ARMC9: variants seen among roughly 807,000 people sequenced by gnomAD.
The protein encoded by ARMC9 is armadillo repeat containing 9.
A neutral mutation model predicts 107.0 loss-of-function variants in ARMC9; 94 were observed. The observed-to-expected ratio is 0.88, with a 90% confidence interval of 0.74 to 1.04. The LOEUF (loss-of-function observed/expected upper bound fraction) is 1.04, where lower values mean the gene tolerates loss of function less well. Ranked by LOEUF, ARMC9 falls within the 50% of genes least tolerant of loss-of-function variation. The pLI, the probability that ARMC9 is intolerant of heterozygous loss-of-function variation, is 0.00. For missense variants in ARMC9, 942 were observed against 1,030.1 expected (o/e 0.91, Z 1.17); for synonymous variants, 380 against 396.9 (o/e 0.96, Z 0.51).
Position 231,255,113 on chromosome 2 carries a change from A to G in ARMC9, c.880-1473A>G, listed in dbSNP as rs139802979. ...AGTTCAAACAAGCACTACACACTGT[A>G]TCTGCTTATATGTTTCTCAGATGTA... On this transcript the variant is annotated intron_variant, in intron 9 of 24. Coordinates refer to ENST00000611582, the MANE Select transcript of ARMC9 (RefSeq NM_001352754.2). This position sits in a 1 kb window ranked among gnomAD's most constrained non-coding sequence, Gnocchi z 4.7. 5.9e-3 allele frequency among the ~76,000 whole-genome samples: 900 copies of G among 152,176 alleles called. 9 individuals carry two copies. Among genetic ancestry groups the G allele is most frequent in the African/African-American group, 0.021 (870 of 41,488 alleles).
At chr2:231,264,794 G>T (rs2038705252) in intron 12 of ARMC9, among the ~76,000 whole-genome samples, 1 of 152,116 alleles carries the variant, frequency 6.6e-6, no homozygotes, top group African/African-American at 2.4e-5. Flanking sequence ...ACTGTGCCCA[G>T]CCTGGTTTAT....
intron 9 of ARMC9, among the ~76,000 whole-genome samples, chr2:231,250,750 A>T (rs1349676037): frequency 1.3e-5 from 2 of 152,078 alleles, no homozygotes; most frequent in Non-Finnish European, 2.9e-5. Context: ...CGATTTTTAC[A>T]AAGACCCCTG....
intron 21 of ARMC9, among the ~76,000 whole-genome samples, chr2:231,345,514 G>A (rs866166738): frequency 2.0e-5 from 3 of 152,182 alleles, no homozygotes; most frequent in African/African-American, 7.2e-5. Context: ...GGAACAACTG[G>A]ATGCTGTTTT....
chr2:231,349,122 G>C (rs1245926241), intron 21 of ARMC9, among the ~76,000 whole-genome samples: 2 of 152,192 alleles, frequency 1.3e-5, no homozygotes, highest in Non-Finnish European at 2.9e-5. Context: ...GTCAAAGATA[G>C]CTCTGCACCC....
intron 9 of ARMC9, among the ~76,000 whole-genome samples, chr2:231,253,180 A>G (rs1403275586): frequency 6.6e-6 from 1 of 151,064 alleles, no homozygotes. Flanking sequence ...GCTGGAGTGC[A>G]GTGGTGTGAT....
intron 21 of ARMC9, 58 bp from the exon 22 acceptor site, chr2:231,355,726 TGCAGTCGGCAGTCG>T (rs146923052): frequency 6.9e-7 from 1 of 1,455,204 alleles, no homozygotes; most frequent in Non-Finnish European, 9.2e-7. Context: ...TTTGTGATGC[TGCAGTCGGCAGTCG>T]GCAGTCCGAA....
intron 17 of ARMC9, among the ~76,000 whole-genome samples, chr2:231,284,697 T>C (rs1045255064): frequency 6.6e-6 from 1 of 152,184 alleles, no homozygotes; most frequent in Non-Finnish European, 1.5e-5. Flanking sequence ...TTTATTGTCT[T>C]GGTTACACAG....
At chr2:231,222,656 T>C in intron 5 of ARMC9, 72 bp from the exon 6 acceptor site, 1 of 842,846 alleles carries the variant, frequency 1.2e-6, no homozygotes, top group South Asian at 1.8e-5. Context: ...TTTAGCCTAA[T>C]GACCTCAACT....
At chr2:231,283,970 C>G (rs541712768) in intron 17 of ARMC9, among the ~76,000 whole-genome samples, 1 of 152,290 alleles carries the variant, frequency 6.6e-6, no homozygotes, top group East Asian at 1.9e-4. Context: ...ACGTGATCCT[C>G]CCATCTTGGC....
intron 19 of ARMC9, among the ~76,000 whole-genome samples, chr2:231,330,267 A>G (rs2043637524): frequency 7.3e-6 from 1 of 136,318 alleles, no homozygotes; most frequent in Non-Finnish European, 1.5e-5. Flanking sequence ...TCGCTCTGTC[A>G]CCCAGACTGA....
intron 22 of ARMC9, among the ~76,000 whole-genome samples, chr2:231,359,709 G>T (rs2045491274): frequency 1.3e-5 from 2 of 152,068 alleles, no homozygotes; most frequent in East Asian, 3.9e-4. Context: ...TTTTCTCCTG[G>T]CCTTATTCTA....
chr2:231,222,811 A>T lies in ARMC9; in HGVS notation c.588A>T (p.Leu196Phe). Residue 196 changes from leucine to phenylalanine, a missense_variant, in exon 6 of 25, where the codon TTA becomes TTT. Physicochemically the swap from Leu to Phe is conservative, Grantham distance 22. Coordinates refer to ENST00000611582, the MANE Select transcript of ARMC9 (RefSeq NM_001352754.2). The part of the protein sequence containing the change: ...ISKASNTPKL[L>F]TIYKENGQSN... ...AAGCCAGCAACACGCCAAAGCTTTT[A>T]ACAATATATGTATCCTTTTGAAGCA... The T allele has an allele frequency of 6.3e-7, 1 of 1,581,008 alleles. No homozygotes were observed. The highest frequency in any genetic ancestry group is 8.7e-7 in the Non-Finnish European group (1 of 1,152,380).
intron 20 of ARMC9, among the ~76,000 whole-genome samples, chr2:231,338,320 G>T (rs976820038): frequency 1.4e-4 from 21 of 151,130 alleles, no homozygotes; most frequent in Non-Finnish European, 3.0e-4. Flanking sequence ...CCAGGTTCAT[G>T]CAATTCTCGT....
At chr2:231,366,563 C>T (rs2045823949) in intron 23 of ARMC9, among the ~76,000 whole-genome samples, 1 of 152,000 alleles carries the variant, frequency 6.6e-6, no homozygotes. Context: ...AAAAATTGGG[C>T]CAGCTGCGGT....
At chr2:231,328,799 ATTTTCTTTTC>A (rs932481522) in intron 19 of ARMC9, among the ~76,000 whole-genome samples, 4 of 121,906 alleles carry the variant, frequency 3.3e-5, no homozygotes, top group East Asian at 2.2e-4. Context: ...AGCGTGTTCA[ATTTTCTTTTC>A]TTTTCTTTTC....
chr2:231,285,561 G>A (rs377585006), intron 17 of ARMC9, among the ~76,000 whole-genome samples: 7 of 150,942 alleles, frequency 4.6e-5, no homozygotes, highest in African/African-American at 1.7e-4. Context: ...CAGGAGAATC[G>A]CTTGAACCCA....
At chr2:231,320,898 C>T (rs1229321738) in intron 19 of ARMC9, among the ~76,000 whole-genome samples, 2 of 152,142 alleles carry the variant, frequency 1.3e-5, no homozygotes, top group African/African-American at 4.8e-5. Context: ...TGCCAGAGAC[C>T]CACAAAAATG....
At chr2:231,225,850 T>G (rs1453144727) in intron 6 of ARMC9, among the ~76,000 whole-genome samples, 1 of 152,160 alleles carries the variant, frequency 6.6e-6, no homozygotes, top group Non-Finnish European at 1.5e-5. Flanking sequence ...ATGTACACAT[T>G]GATTGATGAT....
intron 9 of ARMC9, 123 bp downstream of exon 9, chr2:231,240,164 A>G: frequency 1.2e-6 from 1 of 852,780 alleles, no homozygotes. Flanking sequence ...TGGCTTTTGA[A>G]GTCTAGAAAC....
Sources: allele counts gnomAD v4.1 joint callset (sites outside exome capture counted in the v4.1 genomes callset), GRCh38; gene constraint gnomAD v4.1.1; non-coding constraint Gnocchi (gnomAD v3.1); transcripts MANE v1.5; gene names NCBI Gene and HGNC (gene_info 2026-07-23, HGNC 2026-07-21).